SNX13: variants seen among roughly 807,000 people sequenced by gnomAD.
The protein encoded by SNX13 is sorting nexin-13.
Under a neutral mutation model 133.6 loss-of-function variants are expected in SNX13, and 45 were observed. That is an observed-to-expected ratio of 0.34 (90% confidence interval 0.27 to 0.43). The LOEUF (loss-of-function observed/expected upper bound fraction) is 0.43, where lower values mean the gene tolerates loss of function less well. Ranked by LOEUF, SNX13 falls within the 20% of genes least tolerant of loss-of-function variation. SNX13 has a pLI of 1.00. For missense variants in SNX13, 1,032 were observed against 1,145.1 expected (o/e 0.90, Z 1.43); for synonymous variants, 414 against 373.9 (o/e 1.11, Z -1.24).
chr7:17,904,626 T>C (rs1798201899), intron 1 of SNX13, among the ~76,000 whole-genome samples: 1 of 152,194 alleles, frequency 6.6e-6, no homozygotes, highest in South Asian at 2.1e-4. Flanking sequence ...TCAACCACTC[T>C]CCAACTTATA....
At chr7:17,851,868 C>A (rs1042405562) in intron 9 of SNX13, among the ~76,000 whole-genome samples, 1 of 151,914 alleles carries the variant, frequency 6.6e-6, no homozygotes, top group Non-Finnish European at 1.5e-5. Context: ...CACAGAAATA[C>A]GCATTTTAAA....
chr7:17,897,083 T>C (rs1797289064), intron 2 of SNX13, among the ~76,000 whole-genome samples: 1 of 152,056 alleles, frequency 6.6e-6, no homozygotes, highest in Admixed American at 6.5e-5. Context: ...ACTTTACACA[T>C]TATCACCAAA....
intron 1 of SNX13, among the ~76,000 whole-genome samples, chr7:17,915,171 T>G (rs989321382): frequency 3.3e-5 from 5 of 152,196 alleles, no homozygotes; most frequent in African/African-American, 1.2e-4. Context: ...AAGATGTAAC[T>G]GTCCTCAATA....
At chr7:17,870,978 T>C (rs540448252) in intron 8 of SNX13, among the ~76,000 whole-genome samples, 6 of 152,054 alleles carry the variant, frequency 3.9e-5, no homozygotes, top group African/African-American at 1.2e-4. Flanking sequence ...ATTTAGCTGA[T>C]AGAATAAGAG....
Position 17,868,511 on chromosome 7 carries a change from A to G in SNX13, c.754-21T>C, listed in dbSNP as rs374477774. On this transcript the variant is annotated intron_variant, in intron 8 of 25. Coordinates refer to ENST00000428135, the MANE Select transcript of SNX13 (RefSeq NM_015132.5). ...ATTTCCTGAAAAAAAAGTAAATAAC[A>G]AAAACAAATTTAATCTATTTCTGAA... The G allele has an allele frequency of 8.5e-6, 13 of 1,537,446 alleles. No homozygotes were observed. In the African/African-American group the frequency reaches 1.2e-4, roughly 15 times the overall value.
intron 4 of SNX13, among the ~76,000 whole-genome samples, chr7:17,890,740 G>A (rs989595919): frequency 6.6e-6 from 1 of 151,362 alleles, no homozygotes; most frequent in African/African-American, 2.4e-5. Flanking sequence ...CACTATCTAT[G>A]GCCAAGTCCC....
chr7:17,917,498 C>T (rs1799689012), intron 1 of SNX13, among the ~76,000 whole-genome samples: 1 of 151,808 alleles, frequency 6.6e-6, no homozygotes, highest in East Asian at 1.9e-4. Flanking sequence ...TTCTATAGAC[C>T]AATAACATTC....
chr7:17,815,382 A>G (rs1272362793), intron 19 of SNX13, among the ~76,000 whole-genome samples: 4 of 152,138 alleles, frequency 2.6e-5, no homozygotes, highest in African/African-American at 9.7e-5. Flanking sequence ...CAGGAATACA[A>G]GACCAGCCCG....
chr7:17,907,343 A>C (rs1248327298), intron 1 of SNX13: 2 of 152,160 alleles, frequency 1.3e-5, no homozygotes, highest in Non-Finnish European at 2.9e-5. Context: ...CTTTCATCCT[A>C]GTATGCAACA....
intron 8 of SNX13, among the ~76,000 whole-genome samples, chr7:17,870,256 A>C (rs1341077121): frequency 6.6e-6 from 1 of 152,242 alleles, no homozygotes; most frequent in Non-Finnish European, 1.5e-5. Context: ...AGGCAATTAA[A>C]TAGCAATTAT....
At chr7:17,806,317 T>C (rs1005758453) in intron 20 of SNX13, among the ~76,000 whole-genome samples, 1 of 152,252 alleles carries the variant, frequency 6.6e-6, no homozygotes, top group Non-Finnish European at 1.5e-5. Flanking sequence ...AAAGCTAGGA[T>C]ACATTGTGTG....
chr7:17,891,891 T>G (rs1418179460), intron 3 of SNX13, among the ~76,000 whole-genome samples: 1 of 152,248 alleles, frequency 6.6e-6, no homozygotes, highest in Middle Eastern at 3.4e-3. Flanking sequence ...AATGTACAGG[T>G]ATGCTGCTGC....
At chr7:17,876,614 AT>A (rs1794761185) in intron 5 of SNX13, among the ~76,000 whole-genome samples, 1 of 151,922 alleles carries the variant, frequency 6.6e-6, no homozygotes, top group African/African-American at 2.4e-5. Context: ...GAAATAACTA[AT>A]TACAAGGAAA....
intron 1 of SNX13, among the ~76,000 whole-genome samples, chr7:17,901,716 T>C (rs778152773): frequency 2.6e-5 from 4 of 152,222 alleles, no homozygotes; most frequent in Non-Finnish European, 5.9e-5. Context: ...TTCAATATTG[T>C]CCTTCCTACC....
chr7:17,861,342 TCACACACACACACACA>T (rs59119505), intron 9 of SNX13, among the ~76,000 whole-genome samples: 9 of 143,118 alleles, frequency 6.3e-5, no homozygotes, highest in Admixed American at 1.4e-4. Flanking sequence ...TACAGTTATC[TCACACACACACACACA>T]CACACACACA....
chr7:17,924,962 C>A (rs949999345), intron 1 of SNX13, among the ~76,000 whole-genome samples: 1 of 152,160 alleles, frequency 6.6e-6, no homozygotes, highest in African/African-American at 2.4e-5. Flanking sequence ...AATCCCAGCA[C>A]TTTAGGAGGC....
At chr7:17,844,522 A>G (rs1047527735) in intron 12 of SNX13, among the ~76,000 whole-genome samples, 1 of 152,150 alleles carries the variant, frequency 6.6e-6, no homozygotes, top group Non-Finnish European at 1.5e-5. Flanking sequence ...CCAAAAAATT[A>G]AACAGGAAAC....
chr7:17,932,807 G>A (rs1299620415), intron 1 of SNX13, among the ~76,000 whole-genome samples: 1 of 152,204 alleles, frequency 6.6e-6, no homozygotes, highest in African/African-American at 2.4e-5. Flanking sequence ...CCAAGTCACA[G>A]TTATCTTTTA....
intron 1 of SNX13, chr7:17,900,289 C>A (rs552035709): frequency 1.3e-5 from 2 of 152,372 alleles, no homozygotes; most frequent in Non-Finnish European, 2.9e-5. Context: ...GGGTCACACC[C>A]GAGGCCTGTG....
Sources: allele counts gnomAD v4.1 joint callset (sites outside exome capture counted in the v4.1 genomes callset), GRCh38; gene constraint gnomAD v4.1.1; transcripts MANE v1.5; gene names NCBI Gene and HGNC (gene_info 2026-07-23, HGNC 2026-07-21).